Variants in TMTC2 observed in about 807,000 individuals in gnomAD.
The protein encoded by TMTC2 is transmembrane O-mannosyltransferase targeting cadherins 2, also known as protein O-mannosyl-transferase TMTC2.
A neutral mutation model predicts 82.4 loss-of-function variants in TMTC2; 43 were observed. That is an observed-to-expected ratio of 0.52 (90% CI 0.41 to 0.67). TMTC2 has a LOEUF of 0.67. Among genes scored for constraint, TMTC2 ranks in the 30% least tolerant of loss-of-function variants. TMTC2 has a pLI of 0.00. For synonymous variants in TMTC2, 408 were observed against 381.9 expected, an observed-to-expected ratio of 1.07 and a Z score of -0.80; for missense variants, 919 against 1,012.4, an observed-to-expected ratio of 0.91 and a Z score of 1.25.
chr12:83,048,729 C>T (rs1297464393), intron 9 of TMTC2, among the ~76,000 whole-genome samples: 3 of 152,180 alleles, frequency 2.0e-5, no homozygotes, highest in South Asian at 2.1e-4. Flanking sequence ...AGTGCAGTGG[C>T]GCAATCTCAG....
chr12:82,800,557 G>T (rs907037647), intron 1 of TMTC2, among the ~76,000 whole-genome samples: 1 of 152,142 alleles, frequency 6.6e-6, no homozygotes, highest in Non-Finnish European at 1.5e-5. Context: ...TGGAGGAAAG[G>T]GAGAAAAAGG....
intron 1 of TMTC2, among the ~76,000 whole-genome samples, chr12:82,776,978 C>T (rs1385227320): frequency 6.6e-6 from 1 of 152,080 alleles, no homozygotes; most frequent in Non-Finnish European, 1.5e-5. Flanking sequence ...CTTAAACTGC[C>T]CTGAAAAAGA....
At chr12:82,973,064 T>A (rs1036313307) in intron 7 of TMTC2, among the ~76,000 whole-genome samples, 1 of 152,190 alleles carries the variant, frequency 6.6e-6, no homozygotes, top group Non-Finnish European at 1.5e-5. Context: ...GAGATGGTTT[T>A]TAACTGTATG....
rs761707842 is a variant in TMTC2, at chr12:82,817,037, G to A, written c.84-39973G>A. On this transcript the variant is annotated intron_variant, in intron 1 of 11. Coordinates refer to ENST00000321196, the MANE Select transcript of TMTC2 (RefSeq NM_152588.3). The stretch of plus-strand genomic sequence containing the variant: ...GGCTGGAGTGCCGTGGCAGGATCTC[G>A]GCTCACTGTAACCTCCGCCTCCTGG... Among the ~76,000 whole-genome samples the A allele has an allele frequency of 1.4e-3, 209 of 148,852 alleles. 1 individual carries two copies. Among genetic ancestry groups the A allele is most frequent in the Non-Finnish European group, 2.1e-3 (141 of 67,522 alleles).
rs537349722 is a variant in TMTC2 at position 82,931,430 on chromosome 12, C to CT, written c.1598+888dup. On this transcript the variant is annotated intron_variant, in intron 4 of 11. Transcript: ENST00000321196. ...CCCTAGGGGAAAAACTGGTTTTGTT[C>CT]TTTGAGTGGACAGTCCTAGCTGGTA... 3.3e-5 allele frequency among the ~76,000 whole-genome samples: 5 copies of CT among 152,196 alleles called. No individual in the cohort carries two copies. The East Asian group carries it at 9.7e-4, about 29-fold the overall frequency.
chr12:83,007,120 T>C (rs1259668353), intron 8 of TMTC2, among the ~76,000 whole-genome samples: 1 of 151,808 alleles, frequency 6.6e-6, no homozygotes, highest in African/African-American at 2.4e-5. Flanking sequence ...AAATTTAGAA[T>C]TGAAAAAAAA....
Position 82,965,624 on chromosome 12 carries a change from A to G in TMTC2, c.1749A>G (p.Thr583=). The change falls in exon 6 of 12, where the codon ACA becomes ACG. Residue 583 remains threonine (T), a synonymous_variant. Transcript: ENST00000321196. ...GAAGGACGGAAGAAGCCCGACGGAC[A>G]TTCTTAAAGTGTTCGGAGATCCCAG... ...NQGRTEEARR[T]FLKCSEIPDE... The G allele has an allele frequency of 1.9e-6, 3 of 1,613,860 alleles. No individual in the cohort carries two copies. Among genetic ancestry groups the G allele is most frequent in the Non-Finnish European group, 2.5e-6 (3 of 1,179,794 alleles).
intron 4 of TMTC2, among the ~76,000 whole-genome samples, chr12:82,948,195 G>A (rs1360684098): frequency 6.6e-6 from 1 of 152,088 alleles, no homozygotes; most frequent in Non-Finnish European, 1.5e-5. Context: ...GTGAGACCTT[G>A]TTTCTATTTA....
intron 10 of TMTC2, among the ~76,000 whole-genome samples, chr12:83,061,171 C>CT (rs1882725502): frequency 6.6e-6 from 1 of 151,746 alleles, no homozygotes; most frequent in Non-Finnish European, 1.5e-5. Context: ...AATGAAAGTC[C>CT]TAAGTAACGA....
intron 1 of TMTC2, among the ~76,000 whole-genome samples, chr12:82,834,240 A>G (rs1401188488): frequency 4.6e-5 from 7 of 152,216 alleles, no homozygotes; most frequent in Non-Finnish European, 1.0e-4. Flanking sequence ...TGGACGTTCT[A>G]TATGGATGAC....
At chr12:83,039,545 A>G (rs2137437195) in intron 9 of TMTC2, among the ~76,000 whole-genome samples, 1 of 152,266 alleles carries the variant, frequency 6.6e-6, no homozygotes, top group South Asian at 2.1e-4. Context: ...CACATATAGC[A>G]TCTCATTTAA....
intron 11 of TMTC2, among the ~76,000 whole-genome samples, chr12:83,078,385 A>G (rs968520043): frequency 2.0e-5 from 3 of 152,188 alleles, no homozygotes; most frequent in Admixed American, 1.3e-4. Flanking sequence ...TGTGGGAATC[A>G]ACAGCTGCTC....
intron 1 of TMTC2, among the ~76,000 whole-genome samples, chr12:82,692,233 C>G (rs1020544633): frequency 6.6e-6 from 1 of 152,144 alleles, no homozygotes; most frequent in Admixed American, 6.5e-5. Flanking sequence ...CACATACATG[C>G]ACGATTATTA....
chr12:82,919,976 A>G (rs1875287067), intron 3 of TMTC2, among the ~76,000 whole-genome samples: 1 of 152,160 alleles, frequency 6.6e-6, no homozygotes, highest in East Asian at 1.9e-4. Context: ...CTGATTCTCC[A>G]AATTTCCAAC....
At chr12:82,730,275 A>T (rs531001232) in intron 1 of TMTC2, among the ~76,000 whole-genome samples, 1 of 140,224 alleles carries the variant, frequency 7.1e-6, no homozygotes, top group South Asian at 2.5e-4. Context: ...AGCCTGGGCA[A>T]CAGAGCAAAA....
chr12:82,935,642 G>T (rs12306733), intron 4 of TMTC2, among the ~76,000 whole-genome samples: 8 of 152,070 alleles, frequency 5.3e-5, no homozygotes, highest in Admixed American at 1.3e-4. Context: ...GATTTGTTTC[G>T]GTCTGTTCCA....
chr12:82,927,706 A>T (rs992120279), intron 3 of TMTC2, among the ~76,000 whole-genome samples: 3 of 152,172 alleles, frequency 2.0e-5, no homozygotes, highest in African/African-American at 7.2e-5. Context: ...AGCCACTCCA[A>T]CCTTCAGCAA....
At chr12:82,883,245 A>G (rs1250097769) in intron 2 of TMTC2, among the ~76,000 whole-genome samples, 2 of 152,156 alleles carry the variant, frequency 1.3e-5, no homozygotes, top group African/African-American at 4.8e-5. Flanking sequence ...TCCATTTGAC[A>G]TTGAATTTAC....
In TMTC2 at chr12:83,033,848, G is replaced by GTATA. The variant is rs200567670; in HGVS notation, c.2152+2977_2152+2980dup. Among the ~76,000 whole-genome samples the GTATA allele has an allele frequency of 2.0e-5, 3 of 148,362 alleles. No individual in the cohort carries two copies. The Admixed American group carries it at 2.0e-4, about 10-fold the overall frequency. ...TGTGTGTGTGTATATATATGTATGT[G>GTATA]TATATATATATGTGTATGTGTATAT... On this transcript the variant is annotated intron_variant, in intron 9 of 11. Transcript: ENST00000321196.
Sources: gnomAD v4.1 joint callset for allele counts (sites outside exome capture counted in the v4.1 genomes callset) on GRCh38, gnomAD v4.1.1 for gene constraint, MANE v1.5 for transcripts, NCBI Gene and HGNC (gene_info 2026-07-23, HGNC 2026-07-21) for gene names.